MRPL45: variants seen among roughly 807,000 people sequenced by gnomAD.
MRPL45 encodes the protein large ribosomal subunit protein mL45.
In MRPL45, 20 loss-of-function variants were observed where a neutral mutation model predicts 38.1. The ratio of observed to expected loss-of-function variants is 0.53; its 90% confidence interval spans 0.37 to 0.76. MRPL45 has a LOEUF of 0.76. Ranked by LOEUF, MRPL45 falls within the 30% of genes least tolerant of loss-of-function variation. The pLI is 0.00. For missense variants in MRPL45, 337 were observed against 395.6 expected (o/e 0.85, Z 1.26); for synonymous variants, 105 against 128.8 (o/e 0.82, Z 1.25).
chr17:38,306,724 C>T (rs1459890877), intron 4 of MRPL45, 93 bp downstream of exon 4: 11 of 1,538,180 alleles, frequency 7.2e-6, no homozygotes, highest in Middle Eastern at 1.7e-4. Flanking sequence ...TTGTTTTGCA[C>T]AAATTTGTTT....
intron 6 of MRPL45, among the ~76,000 whole-genome samples, chr17:38,321,701 A>T (rs574008963): frequency 6.6e-5 from 10 of 151,286 alleles, no homozygotes; most frequent in Non-Finnish European, 8.8e-5. Flanking sequence ...AAAAAAAAAA[A>T]TTTAAAAAGA....
intron 1 of MRPL45, among the ~76,000 whole-genome samples, chr17:38,298,078 C>G (rs2036955233): frequency 6.6e-6 from 1 of 152,150 alleles, no homozygotes; most frequent in African/African-American, 2.4e-5. Flanking sequence ...GGCTAGCGAT[C>G]TGCCTCAAAA....
chr17:38,308,165 C>A (rs1310686537), intron 4 of MRPL45, among the ~76,000 whole-genome samples: 24 of 151,936 alleles, frequency 1.6e-4, no homozygotes, highest in Admixed American at 2.0e-4. Flanking sequence ...GAGACGGAGT[C>A]TAGCTCTGTC....
intron 4 of MRPL45, among the ~76,000 whole-genome samples, chr17:38,310,110 T>A (rs1162267816): frequency 7.0e-6 from 1 of 143,866 alleles, no homozygotes; most frequent in African/African-American, 2.5e-5. Context: ...TTATTTTCTG[T>A]TTTTCGCTTT....
chr17:38,311,858 T>C lies in MRPL45; in HGVS notation c.461+5227T>C, dbSNP rs376777296. On this transcript the variant is annotated intron_variant, in intron 4 of 7. Coordinates refer to ENST00000613675, the MANE Select transcript of MRPL45 (RefSeq NM_032351.6). ...TAGAACTGTGAGAAATAAATGTTGT[T>C]TATAAGCCACCTGGTTTATGATATT... 1.8e-4 allele frequency among the ~76,000 whole-genome samples: 28 copies of C among 152,182 alleles called. 1 individual carries two copies. The East Asian group carries it at 5.0e-3, about 27-fold the overall frequency.
intron 4 of MRPL45, among the ~76,000 whole-genome samples, chr17:38,308,743 T>G (rs2144217108): frequency 6.6e-6 from 1 of 152,062 alleles, no homozygotes; most frequent in African/African-American, 2.4e-5. Flanking sequence ...CCCGGCCTAA[T>G]TTTTGTATTT....
At chr17:38,302,567 T>G in intron 3 of MRPL45, among the ~76,000 whole-genome samples, 1 of 146,988 alleles carries the variant, frequency 6.8e-6, no homozygotes, top group African/African-American at 2.5e-5. Context: ...AGGAATAGCA[T>G]TCTAGGGAAA....
At position 38,298,506 on chromosome 17, in the gene MRPL45, A is replaced by G; in HGVS notation, c.124A>G (p.Thr42Ala). 3 of 1,613,974 alleles carry G rather than the reference A, an allele frequency of 1.9e-6. No individual in the cohort carries two copies. Among genetic ancestry groups the G allele is most frequent in the Non-Finnish European group, 2.5e-6 (3 of 1,179,880 alleles). The change falls in exon 2 of 8, where the codon ACA becomes GCA. Residue 42 changes from threonine to alanine, a missense_variant. Physicochemically the swap from Thr to Ala is moderately conservative, Grantham distance 58 (BLOSUM62 0). Coordinates refer to ENST00000613675, the MANE Select transcript of MRPL45 (RefSeq NM_032351.6). ...TCCAGTAAGAACTAAAAAACGTTTC[A>G]CACCTCCTATTTATCAACCTAAATT... is the stretch of plus-strand genomic sequence containing the variant. The part of the protein sequence containing the change: ...IVPVRTKKRF[T>A]PPIYQPKFKT...
At position 38,297,245 on chromosome 17, in the gene MRPL45, G is replaced by T. The variant is rs1445638551; in HGVS notation, c.62G>T (p.Arg21Leu). The T allele has an allele frequency of 1.2e-6, 2 of 1,614,128 alleles. No individual in the cohort carries two copies. The change falls in exon 1 of 8, where the codon CGG becomes CTG. Residue 21 changes from arginine to leucine, a missense_variant. Coordinates refer to ENST00000613675, the MANE Select transcript of MRPL45 (RefSeq NM_032351.6). ...TCGAGGTTTTTGGGCTGGTGGTCTC[G>T]GCAGGTGGGTAGGGACGGGGCCGAT... ...CLSRFLGWWSRQPVLVTQSAA... is the reference protein window; with the variant it reads ...CLSRFLGWWSLQPVLVTQSAA...
At chr17:38,313,297 TAAAAAAA>T (rs879236168) in intron 4 of MRPL45, among the ~76,000 whole-genome samples, 226 of 18,520 alleles carry the variant, frequency 0.012, 3 homozygotes, top group Middle Eastern at 0.023. Context: ...TCCTTTCTAT[TAAAAAAA>T]AAAAAAAATA....
At chr17:38,309,259 G>A in intron 4 of MRPL45, among the ~76,000 whole-genome samples, 1 of 149,050 alleles carries the variant, frequency 6.7e-6, no homozygotes, top group Non-Finnish European at 1.5e-5. Flanking sequence ...GCTCTCGCTT[G>A]TAATCCCAGC....
rs147390646 is a variant in MRPL45, at chr17:38,320,226, T to A, written c.511-392T>A. ...CCTGTAAAATTCCCACTTTTCATTG[T>A]TAATATGTGAGTGGGGAAAAAAAAT... On this transcript the variant is annotated intron_variant, in intron 5 of 7. Transcript: ENST00000613675. 3.3e-5 allele frequency among the ~76,000 whole-genome samples: 5 copies of A among 152,322 alleles called. No homozygotes were observed. The East Asian group carries it at 9.6e-4, about 29-fold the overall frequency.
intron 4 of MRPL45, among the ~76,000 whole-genome samples, chr17:38,313,077 C>T (rs557883692): frequency 2.1e-5 from 3 of 145,454 alleles, no homozygotes; most frequent in Middle Eastern, 3.6e-3. Context: ...CTCCGCCTGC[C>T]GGGTTCAAGC....
intron 3 of MRPL45, among the ~76,000 whole-genome samples, chr17:38,300,291 C>T (rs138966000): frequency 0.037 from 5,695 of 152,168 alleles, 335 homozygotes; most frequent in African/African-American, 0.13. Context: ...GCTGGGATTA[C>T]AGGCGTGAGC....
At chr17:38,302,907 T>C (rs1380434731) in intron 3 of MRPL45, among the ~76,000 whole-genome samples, 3 of 149,948 alleles carry the variant, frequency 2.0e-5, no homozygotes, top group Non-Finnish European at 4.4e-5. Context: ...GTATTTTTAG[T>C]AGAGACAGGG....
chr17:38,299,318 C>T (rs1213817916), intron 2 of MRPL45, 33 bp from the exon 3 acceptor site: 1 of 1,426,416 alleles, frequency 7.0e-7, no homozygotes, highest in East Asian at 2.3e-5. Context: ...AATCTTTCAA[C>T]ACTTTCTTAA....
chr17:38,322,453 C>T, intron 7 of MRPL45, 56 bp from the exon 8 acceptor site: 6 of 1,469,350 alleles, frequency 4.1e-6, no homozygotes, highest in Non-Finnish European at 4.7e-6. Context: ...GGATGAAGCT[C>T]TTCTGGGTCA....
chr17:38,298,524 C>T lies in MRPL45; in HGVS notation c.142C>T (p.Pro48Ser). The change falls in exon 2 of 8, where the codon CCT (proline) becomes TCT (serine). Residue 48 changes from proline (P) to serine (S), a missense_variant. Pro to Ser is a moderately conservative substitution (Grantham distance 74). Coordinates refer to ENST00000613675, the MANE Select transcript of MRPL45 (RefSeq NM_032351.6). The stretch of plus-strand genomic sequence containing the variant: ...ACGTTTCACACCTCCTATTTATCAA[C>T]CTAAATTTAAAACAGAAAAGGAGTT... ...KKRFTPPIYQ[P>S]KFKTEKEFMQ... The T allele has an allele frequency of 6.2e-7, 1 of 1,613,942 alleles. No individual in the cohort carries two copies.
chr17:38,320,569 C>T, intron 5 of MRPL45, 49 bp from the exon 6 acceptor site: 1 of 1,600,164 alleles, frequency 6.2e-7, no homozygotes, highest in Non-Finnish European at 8.5e-7. Context: ...CACCAGCTTC[C>T]TTAAAGGGAG....
Sources: gnomAD v4.1 joint callset for allele counts (sites outside exome capture counted in the v4.1 genomes callset) on GRCh38, gnomAD v4.1.1 for gene constraint, MANE v1.5 for transcripts, NCBI Gene and HGNC (gene_info 2026-07-23, HGNC 2026-07-21) for gene names.